The following MACF1 variants were observed in gnomAD, a reference collection of about 807,000 sequenced individuals.
MACF1 encodes microtubule actin crosslinking factor 1, also known as microtubule-actin cross-linking factor 1.
Under a neutral mutation model 854.8 loss-of-function variants are expected in MACF1, and 193 were observed. The observed-to-expected ratio is 0.23, with a 90% CI of 0.20 to 0.25. MACF1 has a LOEUF of 0.25. Ranked by LOEUF, MACF1 falls within the 10% of genes least tolerant of loss-of-function variation. The pLI is 1.00. For synonymous variants in MACF1, 3,185 were observed against 3,226.7 expected (o/e 0.99, Z 0.44); for missense variants, 7,722 against 8,929.1 (o/e 0.86, Z 5.45).
At position 39,349,524 on chromosome 1, in the gene MACF1, T is replaced by A; in HGVS notation, c.10862T>A (p.Leu3621His). ...QNTCHQQLEDLCSWVGQAERA... is the reference protein window; with the variant it reads ...QNTCHQQLEDHCSWVGQAERA... ...ACCTGTCACCAGCAACTGGAGGATC[T>A]TTGCAGTTGGGTAGGACAGGCAGAA... The change falls in exon 42 of 101, where the codon CTT becomes CAT. Residue 3621 changes from leucine (L) to histidine (H), a missense_variant. Around this residue, in one of 15 missense-constraint regions of MACF1, gnomAD observed 2,807 missense variants for 3,235.8 expected, o/e 0.87. Transcript: ENST00000564288. 2.5e-6 allele frequency: 4 copies of A among 1,614,200 alleles called. No homozygotes were observed. The highest frequency in any genetic ancestry group is 3.4e-6 in the Non-Finnish European group (4 of 1,180,000).
intron 3 of MACF1, among the ~76,000 whole-genome samples, chr1:39,251,584 C>A (rs10493087): frequency 6.6e-6 from 1 of 152,090 alleles, no homozygotes; most frequent in Non-Finnish European, 1.5e-5. Flanking sequence ...TTATTCTCAC[C>A]ATGTTTTTTC....
chr1:39,467,408 C>T (rs959786156), intron 95 of MACF1, among the ~76,000 whole-genome samples: 3 of 152,052 alleles, frequency 2.0e-5, no homozygotes, highest in African/African-American at 4.8e-5. Flanking sequence ...ACTCCATACC[C>T]GAGGAACCCT....
At position 39,334,497 on chromosome 1, in the gene MACF1, A is replaced by G. The variant is rs765154034; in HGVS notation, c.7909A>G (p.Lys2637Glu). Residue 2637 changes from lysine to glutamate, a missense_variant, in exon 37 of 101, where the codon AAG becomes GAG. Transcript: ENST00000564288. ...VPYSELVKKC[K>E]IDIESGQRYL... Reference sequence around the variant, plus strand: ...CTACTCAGAATTAGTCAAGAAATGTAAGATTGATATTGAATCTGGACAGAG... The same window carrying G: ...CTACTCAGAATTAGTCAAGAAATGTGAGATTGATATTGAATCTGGACAGAG... 2 of 1,614,148 alleles carry G rather than the reference A, an allele frequency of 1.2e-6. No individual in the cohort carries two copies. Among genetic ancestry groups the G allele is most frequent in the South Asian group, 1.1e-5 (1 of 91,076 alleles).
chr1:39,147,715 C>T (rs1643499084), intron 2 of MACF1, among the ~76,000 whole-genome samples: 1 of 152,128 alleles, frequency 6.6e-6, no homozygotes, highest in Admixed American at 6.5e-5. Context: ...GTCCTTCTGC[C>T]TTGGCCCCTC....
chr1:39,319,821 C>G (rs749914059), intron 31 of MACF1, 74 bp downstream of exon 31: 23 of 1,060,618 alleles, frequency 2.2e-5, no homozygotes, highest in Non-Finnish European at 3.0e-5. Flanking sequence ...ACTGTAGGTT[C>G]TGTTTCTAGA....
At chr1:39,190,192 A>G (rs953082216) in intron 2 of MACF1, among the ~76,000 whole-genome samples, 1 of 152,014 alleles carries the variant, frequency 6.6e-6, no homozygotes, top group Non-Finnish European at 1.5e-5. Flanking sequence ...CTTGTTGAAA[A>G]TTTTTGTCAA....
At chr1:39,476,527 G>T (rs1261378286) in intron 97 of MACF1, among the ~76,000 whole-genome samples, 1 of 151,464 alleles carries the variant, frequency 6.6e-6, no homozygotes, top group Admixed American at 6.6e-5. Flanking sequence ...GCCAAGATTG[G>T]GCCACTGCAC....
chr1:39,149,223 C>T lies in MACF1; in HGVS notation c.220+64785C>T, dbSNP rs556253661. On this transcript the variant is annotated intron_variant, in intron 2 of 93. Coordinates refer to the MACF1 transcript ENST00000361689. Reference sequence around the variant, plus strand: ...GGTTGGGTAAAGGGTAGTGCCATTACTTGAAGTGGGAAATTAAAAGGAGGC... The same window carrying T: ...GGTTGGGTAAAGGGTAGTGCCATTATTTGAAGTGGGAAATTAAAAGGAGGC... 5.9e-5 allele frequency among the ~76,000 whole-genome samples: 9 copies of T among 152,214 alleles called. No individual in the cohort carries two copies. In the South Asian group the frequency reaches 6.2e-4, roughly 11 times the overall value.
intron 31 of MACF1, among the ~76,000 whole-genome samples, chr1:39,321,476 A>G (rs1274912490): frequency 6.6e-6 from 1 of 152,234 alleles, no homozygotes; most frequent in Non-Finnish European, 1.5e-5. Context: ...TTTTTTAAGT[A>G]GACAGCAGAA....
At chr1:39,170,335 T>G (rs558792626) in intron 2 of MACF1, among the ~76,000 whole-genome samples, 2 of 152,322 alleles carry the variant, frequency 1.3e-5, no homozygotes, top group East Asian at 1.9e-4. Context: ...TAGCCAAGTT[T>G]AAATGCTCCT....
chr1:39,419,452 G>A (rs867808787), intron 58 of MACF1, among the ~76,000 whole-genome samples: 8 of 152,150 alleles, frequency 5.3e-5, no homozygotes, highest in African/African-American at 9.7e-5. Context: ...GCTCATTGGA[G>A]CATTTCAGAT....
chr1:39,315,597 T>C lies in MACF1; in HGVS notation c.3355T>C (p.Ser1119Pro). ...TGACAGCTTTCTCCATCAGTCTCCATCTAGTTCAAGTGTCCCAACTCTGCG... is the reference window on the plus strand; with the variant it reads ...TGACAGCTTTCTCCATCAGTCTCCACCTAGTTCAAGTGTCCCAACTCTGCG... ...KCDSFLHQSP[S>P]SSSVPTLRSE... The change falls in exon 27 of 101, where the codon TCT becomes CCT. Residue 1119 changes from serine to proline, a missense_variant. By Grantham distance (74) the Ser-to-Pro change is moderately conservative. Coordinates refer to ENST00000564288, the MANE Select transcript of MACF1 (RefSeq NM_001394062.1). The C allele has an allele frequency of 6.2e-7, 1 of 1,614,150 alleles. No homozygotes were observed. Among genetic ancestry groups the C allele is most frequent in the Non-Finnish European group, 8.5e-7 (1 of 1,180,006 alleles).
chr1:39,406,835 C>G (rs1026013766), intron 58 of MACF1, among the ~76,000 whole-genome samples: 21 of 151,882 alleles, frequency 1.4e-4, no homozygotes, highest in African/African-American at 4.6e-4. Flanking sequence ...CAGAGGGGCC[C>G]TGGCATGCTA....
chr1:39,381,243 G>T (rs1473648522), intron 55 of MACF1, among the ~76,000 whole-genome samples: 1 of 151,886 alleles, frequency 6.6e-6, no homozygotes, highest in Non-Finnish European at 1.5e-5. Flanking sequence ...TTTTAGTAGA[G>T]AGGGGGTTTC....
chr1:39,467,031 A>C (rs539049490), intron 95 of MACF1, among the ~76,000 whole-genome samples: 93 of 152,156 alleles, frequency 6.1e-4, no homozygotes, highest in African/African-American at 2.1e-3. Context: ...TGCATTTTCA[A>C]TTTTTCTGCC....
intron 58 of MACF1, 33 bp from the exon 59 acceptor site, chr1:39,422,340 TG>T: frequency 6.3e-7 from 1 of 1,596,054 alleles, no homozygotes; most frequent in Non-Finnish European, 8.6e-7. Context: ...TAATAGCCTT[TG>T]TATTAAATCT....
intron 44 of MACF1, among the ~76,000 whole-genome samples, chr1:39,356,375 CA>C (rs1647566131): frequency 6.8e-6 from 1 of 146,512 alleles, no homozygotes; most frequent in South Asian, 2.1e-4. Context: ...TAAGAACTTG[CA>C]TTTTTTTTTT....
At chr1:39,146,446 T>TC (rs1643465290) in intron 2 of MACF1, among the ~76,000 whole-genome samples, 1 of 133,178 alleles carries the variant, frequency 7.5e-6, no homozygotes, top group Non-Finnish European at 1.6e-5. Context: ...CTGTCTCCTC[T>TC]CCCAAAAAAA....
chr1:39,382,753 C>T (rs1650350852), intron 56 of MACF1, among the ~76,000 whole-genome samples: 1 of 151,934 alleles, frequency 6.6e-6, no homozygotes, highest in Non-Finnish European at 1.5e-5. Context: ...TATCTTATAT[C>T]TGCCGGCTTT....
Sources: allele counts gnomAD v4.1 joint callset (sites outside exome capture counted in the v4.1 genomes callset), GRCh38; gene constraint gnomAD v4.1.1; regional missense constraint gnomAD v4.1.1; transcripts MANE v1.5; gene names NCBI Gene and HGNC (gene_info 2026-07-23, HGNC 2026-07-21).